The following UNC13B variants were observed in gnomAD, a reference collection of about 807,000 sequenced individuals.
UNC13B encodes unc-13 homolog B, also known as protein unc-13 homolog B.
Under a neutral mutation model 211.0 loss-of-function variants are expected in UNC13B, and 144 were observed. The observed-to-expected ratio is 0.68, with a 90% CI of 0.60 to 0.78. The LOEUF (loss-of-function observed/expected upper bound fraction) is 0.78. Among genes scored for constraint, UNC13B ranks in the 30% least tolerant of loss-of-function variants. The probability of loss-of-function intolerance (pLI) is 0.00; values close to 1 mark genes in which losing one functional copy is unlikely to be tolerated. For missense variants in UNC13B, 1,777 were observed against 2,002.0 expected, an observed-to-expected ratio of 0.89 and a Z score of 2.14; for synonymous variants, 709 against 725.8, an observed-to-expected ratio of 0.98 and a Z score of 0.37.
chr9:35,306,092 G>T lies in UNC13B; in HGVS notation c.6688G>T (p.Gly2230Trp). ...TTTGGATCAAAAAAAGGAGACCTCTGGGGAAAAACAAAGCATTTCAACTGT... is the reference window on the plus strand; with the variant it reads ...TTTGGATCAAAAAAAGGAGACCTCTTGGGAAAAACAAAGCATTTCAACTGT... ...SFLDQKKETS[G>W]EKQSISTVVP... Residue 2230 changes from glycine (G) to tryptophan (W), a missense_variant, in exon 9 of 40, where the codon GGG becomes TGG. Transcript: ENST00000635942. 2.5e-6 allele frequency: 1 copy of T among 398,878 alleles called. No homozygotes were observed. The highest frequency in any genetic ancestry group is 4.4e-5 in the Admixed American group (1 of 22,718). The allele number at this position is 398,878 out of a possible 1,614,324, so 24.7% of individuals were successfully genotyped here. A position where few individuals can be genotyped will look rare whatever the true frequency, so the allele number is the denominator to read the frequency against.
chr9:35,339,239 C>T (rs1463738373), intron 11 of UNC13B, among the ~76,000 whole-genome samples: 2 of 152,168 alleles, frequency 1.3e-5, no homozygotes, highest in Non-Finnish European at 2.9e-5. Flanking sequence ...CCAGTTCTGC[C>T]CAGCTAGCTC....
chr9:35,320,820 A>G (rs558772929), intron 11 of UNC13B, among the ~76,000 whole-genome samples: 1 of 152,318 alleles, frequency 6.6e-6, no homozygotes, highest in Admixed American at 6.5e-5. Context: ...CTGATATTCA[A>G]GAGCCCAGTA....
chr9:35,243,363 A>G lies in UNC13B; in HGVS notation c.467A>G (p.Glu156Gly). ...EQINALGADN[E>G]YSSQEESQRK... ...ATCAATGCCTTGGGAGCTGACAATGAGGTAGGAGCAGCCTTATTTGCAGTA... is the reference window on the plus strand; with the variant it reads ...ATCAATGCCTTGGGAGCTGACAATGGGGTAGGAGCAGCCTTATTTGCAGTA... Residue 156 changes from glutamate to glycine, a missense_variant and splice_region_variant, in exon 6 of 40, where the codon GAG becomes GGG. Glu to Gly is a moderately conservative substitution (Grantham distance 98, BLOSUM62 -2). Transcript: ENST00000635942. The G allele has an allele frequency of 6.2e-7, 1 of 1,613,412 alleles. No individual in the cohort carries two copies. Among genetic ancestry groups the G allele is most frequent in the Non-Finnish European group, 8.5e-7 (1 of 1,179,560 alleles).
intron 5 of UNC13B, among the ~76,000 whole-genome samples, chr9:35,241,380 A>G (rs574378108): frequency 6.6e-5 from 10 of 152,232 alleles, no homozygotes; most frequent in African/African-American, 1.2e-4. Context: ...ACATGCTTGT[A>G]TCTCTCTGTA....
chr9:35,397,738 C>T (rs201435193), intron 30 of UNC13B, 26 bp downstream of exon 30: 1 of 1,611,486 alleles, frequency 6.2e-7, no homozygotes, highest in East Asian at 2.2e-5. Flanking sequence ...GGGACTCTTA[C>T]AGAAAGAGAG....
At chr9:35,344,371 A>G (rs1167992019) in intron 11 of UNC13B, among the ~76,000 whole-genome samples, 1 of 152,226 alleles carries the variant, frequency 6.6e-6, no homozygotes, top group Admixed American at 6.5e-5. Flanking sequence ...TAAGCCATCA[A>G]TCTAGAAGGA....
In UNC13B at chr9:35,352,352, C is replaced by T. The variant is rs567596901; in HGVS notation, c.9415-14595C>T. On this transcript the variant is annotated intron_variant, in intron 11 of 39. Transcript: ENST00000635942. ...TTCCCCTAGGCCCACTGTTGTGAAG[C>T]TTGCCCATCTAGAGCATAGAGACTT... The T allele has an allele frequency of 1.4e-4, 168 of 1,232,166 alleles. 3 individuals are homozygous for T. The African/African-American group carries it at 1.9e-3, about 14-fold the overall frequency. The allele number at this position is 1,232,166 out of a possible 1,614,324, so 76.3% of individuals were successfully genotyped here. A position where few individuals can be genotyped will look rare whatever the true frequency, so the allele number is the denominator to read the frequency against.
intron 1 of UNC13B, among the ~76,000 whole-genome samples, chr9:35,209,621 G>T (rs186119447): frequency 0.013 from 2,046 of 152,152 alleles, 75 homozygotes; most frequent in Admixed American, 0.073. Flanking sequence ...CAAGTGATCC[G>T]CCCACCTCGG....
intron 11 of UNC13B, among the ~76,000 whole-genome samples, chr9:35,319,600 A>G (rs772698669): frequency 4.6e-5 from 7 of 151,702 alleles, no homozygotes; most frequent in South Asian, 2.1e-4. Flanking sequence ...TACAGTGTCT[A>G]TTGTTCCCAT....
chr9:35,213,973 C>T (rs1392619122), intron 1 of UNC13B, among the ~76,000 whole-genome samples: 2 of 151,898 alleles, frequency 1.3e-5, no homozygotes, highest in African/African-American at 2.4e-5. Flanking sequence ...AATTATAAAA[C>T]CTACAAAAAA....
intron 11 of UNC13B, chr9:35,353,683 CG>C: frequency 1.6e-6 from 2 of 1,232,090 alleles, no homozygotes; most frequent in Non-Finnish European, 1.0e-6. Context: ...GTACAGAGAC[CG>C]TTTACCTCAA....
At chr9:35,207,221 T>C (rs1448589447) in intron 1 of UNC13B, among the ~76,000 whole-genome samples, 2 of 152,166 alleles carry the variant, frequency 1.3e-5, no homozygotes, top group African/African-American at 4.8e-5. Context: ...TGACTAGTGG[T>C]TGTTATGCAT....
chr9:35,292,100 C>A (rs1829130293), intron 7 of UNC13B, among the ~76,000 whole-genome samples: 1 of 152,030 alleles, frequency 6.6e-6, no homozygotes, highest in Non-Finnish European at 1.5e-5. Flanking sequence ...AGCAACTAAG[C>A]CATGAAAAAA....
At chr9:35,299,350 T>C (rs1372364896) in intron 8 of UNC13B, among the ~76,000 whole-genome samples, 3 of 152,236 alleles carry the variant, frequency 2.0e-5, no homozygotes, top group African/African-American at 7.2e-5. Flanking sequence ...AAAAGAAATA[T>C]GTTTGACTAT....
At chr9:35,385,881 G>A (rs924663119) in intron 23 of UNC13B, 68 bp downstream of exon 23, 3 of 1,556,752 alleles carry the variant, frequency 1.9e-6, no homozygotes, top group African/African-American at 1.4e-5. Flanking sequence ...TGAAGAATGA[G>A]AATCATTGGG....
At chr9:35,241,486 A>G (rs10972397) in intron 5 of UNC13B, among the ~76,000 whole-genome samples, 21,990 of 151,662 alleles carry the variant, frequency 0.14, 1,849 homozygotes, top group Admixed American at 0.25. Context: ...TCAGAAATCC[A>G]TTTTCTTCCT....
intron 6 of UNC13B, among the ~76,000 whole-genome samples, chr9:35,252,847 G>A (rs962498918): frequency 1.3e-4 from 19 of 151,820 alleles, no homozygotes; most frequent in African/African-American, 4.3e-4. Flanking sequence ...GGAGATTGGC[G>A]TGAACCCAGG....
At chr9:35,396,399 A>T (rs1485603003) in intron 26 of UNC13B, 77 bp from the exon 27 acceptor site, 1 of 1,588,496 alleles carries the variant, frequency 6.3e-7, no homozygotes, top group South Asian at 1.1e-5. Flanking sequence ...GCCTGACCAG[A>T]TCTGCTGCCT....
chr9:35,305,968 G>T lies in UNC13B; in HGVS notation c.6564G>T (p.Gly2188=), dbSNP rs2131842642. The T allele has an allele frequency of 2.5e-6, 1 of 399,000 alleles. No individual in the cohort carries two copies. The highest frequency in any genetic ancestry group is 3.6e-5 in the East Asian group (1 of 28,072). The allele number at this position is 399,000 out of a possible 1,614,324, so 24.7% of individuals were successfully genotyped here. Residue 2188 remains glycine (G), a synonymous_variant, in exon 9 of 40, where the codon GGG becomes GGT. Coordinates refer to ENST00000635942, the MANE Select transcript of UNC13B (RefSeq NM_001371189.2). ...TLPRAKSQAE[G]LFTLPSFFST... ...CAAGAGCCAAATCTCAGGCAGAAGG[G>T]CTATTCACACTTCCTTCATTTTTTT...
Sources: allele counts gnomAD v4.1 joint callset (sites outside exome capture counted in the v4.1 genomes callset), GRCh38; gene constraint gnomAD v4.1.1; transcripts MANE v1.5; gene names NCBI Gene and HGNC (gene_info 2026-07-23, HGNC 2026-07-21).